The following PCDH9 variants were observed in gnomAD, a reference collection of about 807,000 sequenced individuals.
The protein encoded by PCDH9 is protocadherin-9.
In PCDH9, 24 loss-of-function variants were observed where a neutral mutation model predicts 70.6. That is an observed-to-expected ratio of 0.34 (90% CI 0.25 to 0.48). The LOEUF is 0.48. Among genes scored for constraint, PCDH9 ranks in the 20% least tolerant of loss-of-function variants. PCDH9 has a pLI of 0.99. For synonymous variants in PCDH9, 562 were observed against 558.5 expected (o/e 1.01, Z -0.09); for missense variants, 1,281 against 1,503.6 (o/e 0.85, Z 2.45).
rs36045690 is a variant in PCDH9, at chr13:66,874,914, A to AGTGTGTGTGTGTGT, written c.3138+28576_3138+28589dup. 8.6e-3 allele frequency among the ~76,000 whole-genome samples: 1,183 copies of AGTGTGTGTGTGTGT among 137,224 alleles called. 16 individuals are homozygous for AGTGTGTGTGTGTGT. The highest frequency in any genetic ancestry group is 0.031 in the African/African-American group (1,107 of 35,520). 90.0% of individuals were successfully genotyped at this position (137,224 alleles called of 152,430 possible). ...AATATATTGTGTGTACAAAAGCAGC[A>AGTGTGTGTGTGTGT]GTGTGTGTGTGTGTGTGTGTGTGTG... On this transcript the variant is annotated intron_variant, in intron 3 of 4. Transcript: ENST00000377865.
intron 3 of PCDH9, among the ~76,000 whole-genome samples, chr13:66,889,925 TG>T (rs2082068353): frequency 6.6e-6 from 1 of 152,130 alleles, no homozygotes; most frequent in African/African-American, 2.4e-5. Flanking sequence ...GGATAGCATT[TG>T]GATATATTGG....
chr13:66,903,346 T>A (rs1031495538), intron 3 of PCDH9, among the ~76,000 whole-genome samples, 158 bp downstream of exon 3: 3 of 151,876 alleles, frequency 2.0e-5, no homozygotes, highest in African/African-American at 7.2e-5. Context: ...GTTCTAAAAT[T>A]ATTTACTTAA....
intron 3 of PCDH9, among the ~76,000 whole-genome samples, chr13:66,786,120 T>C (rs112827486): frequency 1.6e-4 from 24 of 152,308 alleles, no homozygotes; most frequent in African/African-American, 5.1e-4. Context: ...CCTGGTTACA[T>C]GGCTAATTAG....
intron 2 of PCDH9, among the ~76,000 whole-genome samples, chr13:67,193,649 T>A (rs972249616): frequency 2.3e-4 from 35 of 152,094 alleles, no homozygotes; most frequent in African/African-American, 7.0e-4. Flanking sequence ...TTACTATAGA[T>A]TACCTTGGAT....
chr13:66,710,411 G>A (rs924903181), intron 3 of PCDH9, among the ~76,000 whole-genome samples: 4 of 152,058 alleles, frequency 2.6e-5, no homozygotes, highest in Admixed American at 2.0e-4. Context: ...ACAGGACACC[G>A]ATGCTCTTTG....
chr13:66,417,506 A>G (rs1450647432), intron 4 of PCDH9, among the ~76,000 whole-genome samples: 2 of 152,180 alleles, frequency 1.3e-5, no homozygotes, highest in East Asian at 3.9e-4. Context: ...ATGTAACTTT[A>G]TAGTAGAATG....
intron 3 of PCDH9, among the ~76,000 whole-genome samples, chr13:66,718,941 T>A (rs1593947518): frequency 1.3e-5 from 2 of 152,306 alleles, no homozygotes; most frequent in East Asian, 3.9e-4. Context: ...AGCCTAGACA[T>A]GAACTAAGAC....
chr13:66,981,263 T>C (rs1218985316), intron 2 of PCDH9, among the ~76,000 whole-genome samples: 7 of 151,822 alleles, frequency 4.6e-5, no homozygotes, highest in East Asian at 1.9e-4. Context: ...ACGGTGAAAC[T>C]CCGTCTCTAC....
At chr13:66,543,940 C>T (rs1174832892) in intron 4 of PCDH9, among the ~76,000 whole-genome samples, 1 of 152,138 alleles carries the variant, frequency 6.6e-6, no homozygotes, top group Non-Finnish European at 1.5e-5. Context: ...TTGGTGCTCA[C>T]CTCTAGAGGG....
chr13:66,975,493 A>G (rs937647404), intron 2 of PCDH9, among the ~76,000 whole-genome samples: 1 of 152,114 alleles, frequency 6.6e-6, no homozygotes, highest in Non-Finnish European at 1.5e-5. Context: ...GGAAAACAAA[A>G]GCACAGATAC....
intron 3 of PCDH9, among the ~76,000 whole-genome samples, chr13:66,845,448 C>A (rs1026125031): frequency 1.3e-5 from 2 of 152,200 alleles, no homozygotes; most frequent in African/African-American, 4.8e-5. Flanking sequence ...CAGGACCAGG[C>A]ATTTCTGAGC....
rs368043158 is a variant in PCDH9 at position 66,351,684 on chromosome 13, GA to G, written c.3341-46657del. On this transcript the variant is annotated intron_variant, in intron 4 of 4. Transcript: ENST00000377865. ...ACACATTAAGAAACTACATTTTGAA[GA>G]GACTGACATGCCCAAAATCATCAAG... is the stretch of plus-strand genomic sequence containing the variant. Among the ~76,000 whole-genome samples the G allele has an allele frequency of 1.2e-3, 190 of 152,170 alleles. 1 individual carries two copies. In the East Asian group the frequency reaches 0.026, roughly 21 times the overall value.
At chr13:66,314,260 T>C (rs893484621) in intron 4 of PCDH9, among the ~76,000 whole-genome samples, 2 of 152,202 alleles carry the variant, frequency 1.3e-5, no homozygotes, top group Non-Finnish European at 2.9e-5. Context: ...ACTAATAACG[T>C]TTTCAGGCTT....
intron 4 of PCDH9, chr13:66,630,915 T>C (rs1283737277): frequency 4.0e-6 from 1 of 248,932 alleles, no homozygotes; most frequent in Non-Finnish European, 7.7e-6. Flanking sequence ...TGTTCAAATT[T>C]CATAAGATCT....
intron 3 of PCDH9, among the ~76,000 whole-genome samples, chr13:66,634,640 T>C (rs2138945458): frequency 6.6e-6 from 1 of 152,254 alleles, no homozygotes; most frequent in East Asian, 1.9e-4. Context: ...ACATGACACA[T>C]AGTAGATAGT....
chr13:66,345,592 T>C (rs894211263), intron 4 of PCDH9, among the ~76,000 whole-genome samples: 9 of 152,124 alleles, frequency 5.9e-5, no homozygotes, highest in African/African-American at 2.2e-4. Context: ...AGTTGCCTTT[T>C]TATTCCATCT....
intron 4 of PCDH9, among the ~76,000 whole-genome samples, chr13:66,523,873 C>T (rs1290336385): frequency 2.0e-5 from 3 of 151,856 alleles, no homozygotes; most frequent in Non-Finnish European, 4.4e-5. Flanking sequence ...AATACTTAAG[C>T]ATAAAATAAT....
chr13:66,800,839 A>G (rs2080315162), intron 3 of PCDH9, among the ~76,000 whole-genome samples: 2 of 152,162 alleles, frequency 1.3e-5, no homozygotes, highest in Admixed American at 6.6e-5. Flanking sequence ...AAAAGAGGAT[A>G]ATAATGCTAC....
At chr13:66,583,868 C>G (rs1011179993) in intron 4 of PCDH9, among the ~76,000 whole-genome samples, 3 of 152,056 alleles carry the variant, frequency 2.0e-5, no homozygotes, top group African/African-American at 7.2e-5. Flanking sequence ...AACAGAAATA[C>G]TATCATTATC....
Sources: allele counts gnomAD v4.1 joint callset (sites outside exome capture counted in the v4.1 genomes callset), GRCh38; gene constraint gnomAD v4.1.1; transcripts MANE v1.5; gene names NCBI Gene and HGNC (gene_info 2026-07-23, HGNC 2026-07-21).